ZNF430: variants seen among roughly 807,000 people sequenced by gnomAD.
ZNF430 encodes zinc finger protein 430.
Under a neutral mutation model 56.7 loss-of-function variants are expected in ZNF430, and 35 were observed. That is an observed-to-expected ratio of 0.62 (90% CI 0.47 to 0.82). The LOEUF (loss-of-function observed/expected upper bound fraction) is 0.82, where lower values mean the gene tolerates loss of function less well. ZNF430 is among the 40% of genes least tolerant of loss of function. The probability of loss-of-function intolerance (pLI) is 0.00; values close to 1 mark genes in which losing one functional copy is unlikely to be tolerated. For synonymous variants in ZNF430, 212 were observed against 224.3 expected, an observed-to-expected ratio of 0.94 and a Z score of 0.49; for missense variants, 574 against 661.0, an observed-to-expected ratio of 0.87 and a Z score of 1.44.
intron 4 of ZNF430, among the ~76,000 whole-genome samples, chr19:21,041,437 T>G (rs541204651): frequency 6.6e-6 from 1 of 152,354 alleles, no homozygotes; most frequent in Admixed American, 6.5e-5. Flanking sequence ...TTTAATTAAT[T>G]TATATTTAAA....
At chr19:21,051,882 C>G (rs1968290305) in intron 4 of ZNF430, among the ~76,000 whole-genome samples, 1 of 152,100 alleles carries the variant, frequency 6.6e-6, no homozygotes, top group Non-Finnish European at 1.5e-5. Flanking sequence ...ATAATGACTT[C>G]AACATTGTTC....
rs1417173933 is a variant in ZNF430, at chr19:21,056,420, C to T, written c.323-211C>T. 4.7e-5 allele frequency among the ~76,000 whole-genome samples: 7 copies of T among 150,312 alleles called. No individual in the cohort carries two copies. The East Asian group carries it at 9.8e-4, about 21-fold the overall frequency. ...AGGAGAATAGCTTGAGCCTGGGTGG[C>T]GGAGGTGGCAGTGAGCAGAGATCAC... On this transcript the variant is annotated intron_variant, in intron 4 of 4. Transcript: ENST00000261560.
intron 4 of ZNF430, chr19:21,053,359 A>G (rs1968316208): frequency 6.6e-6 from 1 of 152,028 alleles, no homozygotes. Context: ...GGACCATCAC[A>G]TATAGGTTAT....
At chr19:21,041,597 A>G (rs1356656543) in intron 4 of ZNF430, among the ~76,000 whole-genome samples, 4 of 152,194 alleles carry the variant, frequency 2.6e-5, no homozygotes, top group Non-Finnish European at 5.9e-5. Flanking sequence ...TACTGCACCT[A>G]TCAATTCATC....
rs144674838 is a variant in ZNF430 at position 21,033,534 on chromosome 19, T to C, written c.175T>C (p.Leu59=). ...ATGCCTGGACACTGCTCAGCAGGAT[T>C]TGTATAGAAAAGTGATGTTAGAGAA... ...WQCLDTAQQD[L]YRKVMLENYR... The change falls in exon 3 of 5, where the codon TTG becomes CTG. Residue 59 remains leucine, a synonymous_variant. Coordinates refer to ENST00000261560, the MANE Select transcript of ZNF430 (RefSeq NM_025189.4). 6.2e-7 allele frequency: 1 copy of C among 1,611,546 alleles called. No individual in the cohort carries two copies. Among genetic ancestry groups the C allele is most frequent in the Non-Finnish European group, 8.5e-7 (1 of 1,178,918 alleles).
At chr19:21,039,117 CTT>C (rs1467412397) in intron 4 of ZNF430, among the ~76,000 whole-genome samples, 1 of 151,176 alleles carries the variant, frequency 6.6e-6, no homozygotes, top group Non-Finnish European at 1.5e-5. Flanking sequence ...GCCTGGCTAA[CTT>C]TTGTATTTTT....
Position 21,049,662 on chromosome 19 carries a change from C to CTGCAACATTTCTTGTTACGTTTCG in ZNF430, c.323-6951_323-6950insGTTTCGTGCAACATTTCTTGTTAC, listed in dbSNP as rs1568591298. The CTGCAACATTTCTTGTTACGTTTCG allele has an allele frequency of 1.3e-3, 31 of 23,088 alleles. No individual in the cohort carries two copies. The East Asian group carries it at 0.016, about 12-fold the overall frequency. The allele number at this position is 23,088 out of a possible 1,614,324, so 1.4% of individuals were successfully genotyped here. A position where few individuals can be genotyped will look rare whatever the true frequency, so the allele number is the denominator to read the frequency against. On this transcript the variant is annotated intron_variant, in intron 4 of 4. Coordinates refer to ENST00000261560, the MANE Select transcript of ZNF430 (RefSeq NM_025189.4). Reference sequence around the variant, plus strand: ...CGTGCAACATTTCTTGTTACGTTTCCTGCAACATTTCTTGTTACATTTCGT... The same window carrying CTGCAACATTTCTTGTTACGTTTCG: ...CGTGCAACATTTCTTGTTACGTTTCCTGCAACATTTCTTGTTACGTTTCGTGCAACATTTCTTGTTACATTTCGT...
intron 4 of ZNF430, among the ~76,000 whole-genome samples, chr19:21,040,974 C>T (rs1009753829): frequency 1.3e-4 from 20 of 152,148 alleles, no homozygotes; most frequent in African/African-American, 4.6e-4. Flanking sequence ...TGCCACCTCA[C>T]CCAATTATGG....
intron 4 of ZNF430, chr19:21,035,628 T>G (rs1427342052): frequency 9.4e-6 from 2 of 212,660 alleles, no homozygotes; most frequent in Non-Finnish European, 2.0e-5. Flanking sequence ...AGCAAACAAC[T>G]CCTCAAGCTT....
chr19:21,057,506 T>A lies in ZNF430; in HGVS notation c.1198T>A (p.Phe400Ile), dbSNP rs1023397785. 2 of 1,608,028 alleles carry A rather than the reference T, an allele frequency of 1.2e-6. No homozygotes were observed. The highest frequency in any genetic ancestry group is 1.7e-6 in the Non-Finnish European group (2 of 1,178,576). Residue 400 changes from phenylalanine to isoleucine, a missense_variant, in exon 5 of 5, where the codon TTC becomes ATC. Transcript: ENST00000261560. ...KHKIIHTGEK[F>I]YKCEECGKGF... ...TAAGATAATTCATACTGGAGAGAAA[T>A]TCTACAAATGTGAAGAATGTGGCAA...
intron 4 of ZNF430, chr19:21,035,377 A>G (rs1036641626): frequency 2.6e-5 from 4 of 152,118 alleles, no homozygotes. Context: ...TGTTAATTTT[A>G]TGTTTTGCTA....
rs138597243 is a variant in ZNF430 at position 21,030,110 on chromosome 19, A to G, written c.97-3346A>G. Among the ~76,000 whole-genome samples, 9 of 149,886 alleles carry G rather than the reference A, an allele frequency of 6.0e-5. No individual in the cohort carries two copies. In the East Asian group the frequency reaches 1.8e-3, roughly 30 times the overall value. On this transcript the variant is annotated intron_variant, in intron 2 of 4. Coordinates refer to ENST00000261560, the MANE Select transcript of ZNF430 (RefSeq NM_025189.4). ...TATTTTTTGAATTTGTATTAAAACC[A>G]GTGCTTACAGAAACATTCCATTTAG...
intron 4 of ZNF430, among the ~76,000 whole-genome samples, chr19:21,040,299 G>T (rs1968080151): frequency 6.6e-6 from 1 of 152,216 alleles, no homozygotes; most frequent in African/African-American, 2.4e-5. Context: ...CAAGGCTCAT[G>T]CTGCAATGTA....
chr19:21,052,812 A>G (rs888065389), intron 4 of ZNF430, among the ~76,000 whole-genome samples: 9 of 152,168 alleles, frequency 5.9e-5, no homozygotes, highest in Admixed American at 2.0e-4. Context: ...ATCCAAACCC[A>G]AAGAATGGAC....
chr19:21,043,803 CT>C (rs1469715147), intron 4 of ZNF430, among the ~76,000 whole-genome samples: 5 of 151,810 alleles, frequency 3.3e-5, no homozygotes, highest in African/African-American at 9.7e-5. Context: ...TAAAGAGGTC[CT>C]TCACTTACTT....
intron 4 of ZNF430, among the ~76,000 whole-genome samples, chr19:21,037,951 T>C (rs1968033097): frequency 6.6e-6 from 1 of 152,114 alleles, no homozygotes; most frequent in South Asian, 2.1e-4. Flanking sequence ...TTTTTATATA[T>C]TCTGAATATT....
At chr19:21,054,270 T>A (rs1245853398) in intron 4 of ZNF430, among the ~76,000 whole-genome samples, 2 of 152,224 alleles carry the variant, frequency 1.3e-5, no homozygotes, top group Non-Finnish European at 2.9e-5. Flanking sequence ...GTTGTTTCAT[T>A]GAATAATGTT....
At position 21,057,465 on chromosome 19, in the gene ZNF430, C is replaced by T. The variant is rs1294061472; in HGVS notation, c.1157C>T (p.Ser386Leu). 3 of 1,613,772 alleles carry T rather than the reference C, an allele frequency of 1.9e-6. No individual in the cohort carries two copies. The highest frequency in any genetic ancestry group is 2.5e-6 in the Non-Finnish European group (3 of 1,179,948). ...EECGKAFYRF[S>L]YLTKHKIIHT... ...TGTGGCAAAGCTTTTTACCGATTCTCATACCTTACTAAACATAAGATAATT... is the reference window on the plus strand; with the variant it reads ...TGTGGCAAAGCTTTTTACCGATTCTTATACCTTACTAAACATAAGATAATT... Residue 386 changes from serine (S) to leucine (L), a missense_variant, in exon 5 of 5, where the codon TCA (serine) becomes TTA (leucine). Coordinates refer to ENST00000261560, the MANE Select transcript of ZNF430 (RefSeq NM_025189.4).
Position 21,056,993 on chromosome 19 carries a change from A to G in ZNF430, c.685A>G (p.Arg229Gly). 1 of 1,614,036 alleles carries G rather than the reference A, an allele frequency of 6.2e-7. No individual in the cohort carries two copies. Among genetic ancestry groups the G allele is most frequent in the East Asian group, 2.2e-5 (1 of 44,870 alleles). Residue 229 changes from arginine (R) to glycine (G), a missense_variant, in exon 5 of 5, where the codon AGG becomes GGG. Arg to Gly is a moderately radical substitution (Grantham distance 125, BLOSUM62 -2). Coordinates refer to ENST00000261560, the MANE Select transcript of ZNF430 (RefSeq NM_025189.4). The stretch of plus-strand genomic sequence containing the variant: ...AACTCAACATAAAAGAATTCATATT[A>G]GGGAAAATTCTTACCAATGTGAAGA... Reference protein sequence around the residue: ...HLTQHKRIHIRENSYQCEECG... With the variant: ...HLTQHKRIHIGENSYQCEECG...
Sources: allele counts gnomAD v4.1 joint callset (sites outside exome capture counted in the v4.1 genomes callset), GRCh38; gene constraint gnomAD v4.1.1; transcripts MANE v1.5; gene names NCBI Gene and HGNC (gene_info 2026-07-23, HGNC 2026-07-21).